The following CSNK2A2IP variants were observed in gnomAD, a reference collection of about 807,000 sequenced individuals.
CSNK2A2IP encodes the protein casein kinase 2 subunit alpha' interacting protein.
chr3:88,429,038 A>G, the CSNK2A2IP span, among the ~76,000 whole-genome samples: 1 of 101,902 alleles, frequency 9.8e-6, no homozygotes, highest in Non-Finnish European at 2.2e-5. Flanking sequence ...ATGGGGTTTC[A>G]TTGGTAACAC....
At chr3:88,421,001 C>T in the CSNK2A2IP span, among the ~76,000 whole-genome samples, 1 of 152,092 alleles carries the variant, frequency 6.6e-6, no homozygotes, top group Non-Finnish European at 1.5e-5. Context: ...AGAATATATG[C>T]AGGGGGAATT....
the CSNK2A2IP span, among the ~76,000 whole-genome samples, chr3:88,346,946 C>A: frequency 6.6e-6 from 1 of 151,958 alleles, no homozygotes; most frequent in Non-Finnish European, 1.5e-5. Context: ...TTCTAGATGT[C>A]ATTGAGAACA....
the CSNK2A2IP span, among the ~76,000 whole-genome samples, chr3:88,419,376 A>C: frequency 1.3e-5 from 2 of 152,098 alleles, no homozygotes; most frequent in African/African-American, 4.8e-5. Flanking sequence ...CTGTTCCTGC[A>C]TTAATTTACT....
At chr3:88,444,826 G>A in the CSNK2A2IP span, among the ~76,000 whole-genome samples, 1 of 152,294 alleles carries the variant, frequency 6.6e-6, no homozygotes, top group African/African-American at 2.4e-5. Flanking sequence ...TGGACATGCA[G>A]TGTAATCAAC....
At chr3:88,439,959 A>G in the CSNK2A2IP span, among the ~76,000 whole-genome samples, 1 of 152,136 alleles carries the variant, frequency 6.6e-6, no homozygotes, top group Non-Finnish European at 1.5e-5. Flanking sequence ...CAGGCTCACT[A>G]TAATTAAACC....
At chr3:88,412,744 G>A in the CSNK2A2IP span, among the ~76,000 whole-genome samples, 2 of 151,984 alleles carry the variant, frequency 1.3e-5, no homozygotes, top group South Asian at 4.1e-4. Context: ...ATAAGGTGTA[G>A]CCTATTACTC....
chr3:88,383,946 AG>A, the CSNK2A2IP span, among the ~76,000 whole-genome samples: 835 of 152,264 alleles, frequency 5.5e-3, 15 homozygotes, highest in African/African-American at 0.018. Context: ...TACAGGCATA[AG>A]CCACTGCGCC....
chr3:88,338,943 T>C, the CSNK2A2IP span, among the ~76,000 whole-genome samples: 1 of 152,102 alleles, frequency 6.6e-6, no homozygotes, highest in Admixed American at 6.6e-5. Context: ...GGGTACATAA[T>C]AGTTGTCTGT....
the CSNK2A2IP span, among the ~76,000 whole-genome samples, chr3:88,455,908 A>AT: frequency 0.35 from 52,120 of 150,662 alleles, 10,362 homozygotes; most frequent in Non-Finnish European, 0.46. Flanking sequence ...CTATTTAATG[A>AT]TTTTTTTTTT....
At chr3:88,452,692 A>G in the CSNK2A2IP span, among the ~76,000 whole-genome samples, 2 of 152,192 alleles carry the variant, frequency 1.3e-5, no homozygotes, top group Admixed American at 1.3e-4. Context: ...TTCTGGAAAT[A>G]GTAGCCTAGG....
chr3:88,402,290 T>G, the CSNK2A2IP span, among the ~76,000 whole-genome samples: 1 of 152,072 alleles, frequency 6.6e-6, no homozygotes, highest in Non-Finnish European at 1.5e-5. Flanking sequence ...TGTGAGAATA[T>G]AGAATAAAGG....
the CSNK2A2IP span, among the ~76,000 whole-genome samples, chr3:88,383,827 C>A: frequency 6.6e-6 from 1 of 151,906 alleles, no homozygotes; most frequent in African/African-American, 2.4e-5. Flanking sequence ...CCACGCCCCG[C>A]TAATTTTTTT....
chr3:88,465,702 A>G, the CSNK2A2IP span: 2 of 1,231,696 alleles, frequency 1.6e-6, no homozygotes, highest in Non-Finnish European at 2.0e-6. Flanking sequence ...GGCCTGCTCA[A>G]AGAGCCCTGA....
chr3:88,447,947 G>T, the CSNK2A2IP span, among the ~76,000 whole-genome samples: 1 of 152,078 alleles, frequency 6.6e-6, no homozygotes, highest in Non-Finnish European at 1.5e-5. Context: ...CTAAAATAGT[G>T]CATAACTAAT....
chr3:88,445,938 CTT>C, the CSNK2A2IP span, among the ~76,000 whole-genome samples: 1 of 137,172 alleles, frequency 7.3e-6, no homozygotes, highest in Non-Finnish European at 1.6e-5. Context: ...TTCTTCCTTT[CTT>C]TCTTTCTCTC....
chr3:88,405,796 C>T, the CSNK2A2IP span, among the ~76,000 whole-genome samples: 1 of 152,158 alleles, frequency 6.6e-6, no homozygotes, highest in African/African-American at 2.4e-5. Context: ...GTCCTAGGCC[C>T]CCACTTGCCT....
chr3:88,449,795 G>T, the CSNK2A2IP span, among the ~76,000 whole-genome samples: 3 of 109,266 alleles, frequency 2.7e-5, no homozygotes, highest in East Asian at 3.1e-4. Flanking sequence ...AGGTATATTT[G>T]GAAAAAAGTT....
At chr3:88,425,971 T>C in the CSNK2A2IP span, among the ~76,000 whole-genome samples, 2 of 152,208 alleles carry the variant, frequency 1.3e-5, no homozygotes, top group South Asian at 4.1e-4. Flanking sequence ...TCATTTATTC[T>C]ACATACATAA....
the CSNK2A2IP span, among the ~76,000 whole-genome samples, chr3:88,452,560 TAG>T: frequency 6.6e-6 from 1 of 152,102 alleles, no homozygotes; most frequent in Non-Finnish European, 1.5e-5. Context: ...AGCTCATGGA[TAG>T]AGTTTCTTCA....
Sources: gnomAD v4.1 joint callset for allele counts (sites outside exome capture counted in the v4.1 genomes callset) on GRCh38, gnomAD v4.1.1 for gene constraint, MANE v1.5 for transcripts, NCBI Gene and HGNC (gene_info 2026-07-23, HGNC 2026-07-21) for gene names.